MYO9A: variants seen among roughly 807,000 people sequenced by gnomAD.
MYO9A encodes unconventional myosin-IXa.
Under a neutral mutation model 293.3 loss-of-function variants are expected in MYO9A, and 103 were observed. That is an observed-to-expected ratio of 0.35 (90% CI 0.30 to 0.41). The LOEUF (loss-of-function observed/expected upper bound fraction) is 0.41. MYO9A is among the 10% of genes least tolerant of loss of function. The probability of loss-of-function intolerance (pLI) is 1.00; values close to 1 mark genes in which losing one functional copy is unlikely to be tolerated. For missense variants in MYO9A, 2,685 were observed against 3,033.0 expected (o/e 0.89, Z 2.69); for synonymous variants, 1,001 against 1,035.7 (o/e 0.97, Z 0.64).
chr15:71,899,132 T>A, intron 24 of MYO9A, 100 bp from the exon 25 acceptor site: 1 of 1,109,498 alleles, frequency 9.0e-7, no homozygotes, highest in Non-Finnish European at 1.3e-6. Flanking sequence ...AGTTGTAAAA[T>A]CTTTTTATAA....
intron 1 of MYO9A, among the ~76,000 whole-genome samples, chr15:72,051,740 T>C (rs1029326817): frequency 6.6e-6 from 1 of 152,124 alleles, no homozygotes; most frequent in African/African-American, 2.4e-5. Flanking sequence ...CTCTAAACTT[T>C]GGGTGCCTAC....
chr15:71,926,293 G>A (rs796464843), intron 18 of MYO9A, among the ~76,000 whole-genome samples: 12 of 152,314 alleles, frequency 7.9e-5, no homozygotes, highest in African/African-American at 1.9e-4. Context: ...GCCATGCACC[G>A]TGGTATATGC....
intron 11 of MYO9A, among the ~76,000 whole-genome samples, chr15:71,986,252 C>A (rs1178458598): frequency 6.6e-6 from 1 of 152,156 alleles, no homozygotes; most frequent in Admixed American, 6.6e-5. Flanking sequence ...AGGTTATGTG[C>A]AAATACTATG....
intron 10 of MYO9A, among the ~76,000 whole-genome samples, chr15:71,992,070 G>A (rs868725737): frequency 1.1e-4 from 17 of 151,644 alleles, no homozygotes; most frequent in African/African-American, 3.6e-4. Flanking sequence ...ATACGGTTTC[G>A]TAAAGTTAAA....
intron 39 of MYO9A, among the ~76,000 whole-genome samples, chr15:71,831,462 A>G (rs1282994785): frequency 6.6e-6 from 1 of 152,178 alleles, no homozygotes; most frequent in Non-Finnish European, 1.5e-5. Flanking sequence ...GACCCACTCA[A>G]TGGTGTGGGT....
chr15:72,113,393 G>A (rs575685719), intron 1 of MYO9A, among the ~76,000 whole-genome samples: 4 of 152,260 alleles, frequency 2.6e-5, no homozygotes, highest in East Asian at 1.9e-4. Flanking sequence ...TGTAAAAGAC[G>A]AGAGAGAAAG....
intron 10 of MYO9A, among the ~76,000 whole-genome samples, chr15:71,992,569 T>C (rs892552344): frequency 1.3e-5 from 2 of 152,218 alleles, no homozygotes; most frequent in Admixed American, 6.5e-5. Flanking sequence ...AGATTACAAT[T>C]TAAATTAATT....
intron 2 of MYO9A, chr15:72,045,420 C>T (rs1280612849): frequency 3.2e-5 from 6 of 186,614 alleles, no homozygotes; most frequent in South Asian, 2.6e-4. Flanking sequence ...TGCACCACCA[C>T]GCCTGGCTAA....
At chr15:72,069,227 TA>T (rs2079109356) in intron 1 of MYO9A, among the ~76,000 whole-genome samples, 1 of 152,166 alleles carries the variant, frequency 6.6e-6, no homozygotes, top group Non-Finnish European at 1.5e-5. Context: ...TGGTAAATAA[TA>T]AAAAGAAACT....
intron 1 of MYO9A, among the ~76,000 whole-genome samples, chr15:72,073,277 A>G (rs1334250451): frequency 2.0e-5 from 3 of 152,360 alleles, no homozygotes; most frequent in East Asian, 3.9e-4. Flanking sequence ...ATACTTAAAA[A>G]TCATTCACTT....
intron 25 of MYO9A, among the ~76,000 whole-genome samples, chr15:71,895,822 A>T (rs1324776987): frequency 6.6e-6 from 1 of 152,154 alleles, no homozygotes; most frequent in Non-Finnish European, 1.5e-5. Context: ...AAGGATGATT[A>T]ATATTTTTTA....
Position 71,898,683 on chromosome 15 carries a change from T to C in MYO9A, c.3820A>G (p.Ser1274Gly). The change falls in exon 25 of 42, where the codon AGT becomes GGT. Residue 1274 changes from serine (S) to glycine (G), a missense_variant. This residue lies in a region of MYO9A where 1,434 missense variants were observed against 1,497.7 expected (regional missense o/e 0.96). Transcript: ENST00000356056. ...TGCTCTAGTTCTCTCATTCTCCTACTTTCTCTCTTAGCCCGGCCTACTTTT... is the reference window on the plus strand; with the variant it reads ...TGCTCTAGTTCTCTCATTCTCCTACCTTCTCTCTTAGCCCGGCCTACTTTT... ...QKKVGRAKRE[S>G]RRMRELEQAI... The C allele has an allele frequency of 1.9e-6, 3 of 1,614,102 alleles. No homozygotes were observed. Among genetic ancestry groups the C allele is most frequent in the South Asian group, 1.1e-5 (1 of 91,068 alleles).
intron 2 of MYO9A, among the ~76,000 whole-genome samples, chr15:72,033,068 C>A (rs2077928038): frequency 6.6e-6 from 1 of 152,060 alleles, no homozygotes; most frequent in South Asian, 2.1e-4. Flanking sequence ...CCTGGCTGGT[C>A]TGGAACCCCT....
chr15:71,879,614 A>G, intron 30 of MYO9A, 107 bp downstream of exon 30: 1 of 768,864 alleles, frequency 1.3e-6, no homozygotes, highest in Non-Finnish European at 2.1e-6. Context: ...AAAACAAGGC[A>G]CTGGAGAAAT....
chr15:72,002,037 T>C (rs529805710), intron 8 of MYO9A, among the ~76,000 whole-genome samples: 1 of 152,260 alleles, frequency 6.6e-6, no homozygotes, highest in South Asian at 2.1e-4. Flanking sequence ...GTAGGACTGC[T>C]TGAGCTCAGG....
chr15:71,900,949 C>T (rs1283453001), intron 23 of MYO9A, among the ~76,000 whole-genome samples: 8 of 152,162 alleles, frequency 5.3e-5, no homozygotes, highest in Non-Finnish European at 1.5e-5. Flanking sequence ...ACAGATCTCA[C>T]AAGACATTAT....
intron 2 of MYO9A, among the ~76,000 whole-genome samples, chr15:72,033,219 C>A (rs2149443547): frequency 6.6e-6 from 1 of 151,962 alleles, no homozygotes; most frequent in Middle Eastern, 3.4e-3. Context: ...ATTCCAGAGC[C>A]CCCCTACAAA....
At chr15:72,040,409 G>A (rs969354596) in intron 2 of MYO9A, 25 of 152,400 alleles carry the variant, frequency 1.6e-4, no homozygotes, top group African/African-American at 5.5e-4. Context: ...CCATTTGCAG[G>A]GGGGAGGAGC....
chr15:72,090,584 T>C (rs974331187), intron 1 of MYO9A, among the ~76,000 whole-genome samples: 1 of 152,176 alleles, frequency 6.6e-6, no homozygotes, highest in African/African-American at 2.4e-5. Flanking sequence ...AATAAAAGCC[T>C]AGGGGACTCT....
Sources: allele counts gnomAD v4.1 joint callset (sites outside exome capture counted in the v4.1 genomes callset), GRCh38; gene constraint gnomAD v4.1.1; regional missense constraint gnomAD v4.1.1; transcripts MANE v1.5; gene names NCBI Gene and HGNC (gene_info 2026-07-23, HGNC 2026-07-21).